The following FAT3 variants were observed in gnomAD, a reference collection of about 807,000 sequenced individuals.
FAT3 encodes protocadherin Fat 3.
A neutral mutation model predicts 310.2 loss-of-function variants in FAT3; 95 were observed. The observed-to-expected ratio is 0.31, with a 90% CI of 0.26 to 0.36. The LOEUF (loss-of-function observed/expected upper bound fraction) is 0.36, where lower values mean the gene tolerates loss of function less well. FAT3 is among the 10% of genes least tolerant of loss of function. The pLI is 1.00. For synonymous variants in FAT3, 2,314 were observed against 2,192.9 expected, an observed-to-expected ratio of 1.06 and a Z score of -1.54; for missense variants, 5,408 against 5,715.6, an observed-to-expected ratio of 0.95 and a Z score of 1.74.
At chr11:92,609,341 T>C (rs958446031) in intron 3 of FAT3, among the ~76,000 whole-genome samples, 6 of 152,292 alleles carry the variant, frequency 3.9e-5, no homozygotes, top group Admixed American at 3.9e-4. Flanking sequence ...TTAGTATGAA[T>C]GTGGGTTAAA....
At chr11:92,810,121 G>A (rs1366877422) in intron 13 of FAT3, 45 bp downstream of exon 13, 1 of 1,543,810 alleles carries the variant, frequency 6.5e-7, no homozygotes, top group East Asian at 2.3e-5. Context: ...TGGACACTTT[G>A]TCTTCAGGTG....
At chr11:92,412,780 C>T (rs1360487016) in intron 2 of FAT3, among the ~76,000 whole-genome samples, 1 of 72,294 alleles carries the variant, frequency 1.4e-5, no homozygotes, top group African/African-American at 3.8e-5. Context: ...TAATGTAAGA[C>T]TTTATATTTT....
At chr11:92,382,187 C>T (rs1246131627) in intron 2 of FAT3, among the ~76,000 whole-genome samples, 3 of 152,130 alleles carry the variant, frequency 2.0e-5, no homozygotes, top group Non-Finnish European at 4.4e-5. Context: ...AGTAAAAAGA[C>T]ATGGCTTCAC....
chr11:92,447,194 T>C (rs1269156031), intron 2 of FAT3, among the ~76,000 whole-genome samples: 3 of 147,656 alleles, frequency 2.0e-5, no homozygotes, highest in African/African-American at 7.7e-5. Context: ...TATATGTGTG[T>C]TCATATATAT....
chr11:92,514,368 A>T (rs146214952), intron 2 of FAT3, among the ~76,000 whole-genome samples: 2 of 152,300 alleles, frequency 1.3e-5, no homozygotes, highest in East Asian at 3.9e-4. Context: ...CAAAGAACAT[A>T]AAAAATCCAA....
chr11:92,693,933 C>CATTCATTCAT (rs1943866357), intron 3 of FAT3, among the ~76,000 whole-genome samples: 1 of 152,086 alleles, frequency 6.6e-6, no homozygotes, highest in African/African-American at 2.4e-5. Flanking sequence ...CTAACCTATT[C>CATTCATTCAT]ATTCATTCAT....
intron 2 of FAT3, among the ~76,000 whole-genome samples, chr11:92,360,257 A>G (rs530714086): frequency 2.0e-5 from 3 of 152,254 alleles, no homozygotes; most frequent in Non-Finnish European, 4.4e-5. Context: ...CCCATTCACA[A>G]TTGCTTCAAA....
At chr11:92,361,672 T>G (rs1948885821) in intron 2 of FAT3, among the ~76,000 whole-genome samples, 2 of 148,186 alleles carry the variant, frequency 1.3e-5, no homozygotes, top group African/African-American at 5.1e-5. Flanking sequence ...GTTGTAAGGT[T>G]TTTTTTTTTA....
chr11:92,366,622 G>C, intron 2 of FAT3: 1 of 532,288 alleles, frequency 1.9e-6, no homozygotes, highest in East Asian at 5.3e-5. Context: ...ATAACCAGTT[G>C]ACAGGTTCAG....
chr11:92,847,957 G>A (rs1324473997), intron 19 of FAT3, among the ~76,000 whole-genome samples: 2 of 151,544 alleles, frequency 1.3e-5, no homozygotes, highest in Non-Finnish European at 2.9e-5. Context: ...GCACCCACAG[G>A]TGCACACACT....
At chr11:92,623,134 A>C (rs1418687388) in intron 3 of FAT3, among the ~76,000 whole-genome samples, 1 of 152,172 alleles carries the variant, frequency 6.6e-6, no homozygotes, top group Non-Finnish European at 1.5e-5. Flanking sequence ...ACCAAATGCA[A>C]ACACTTTCTA....
At chr11:92,362,173 G>T (rs1170321824) in intron 2 of FAT3, among the ~76,000 whole-genome samples, 1 of 152,200 alleles carries the variant, frequency 6.6e-6, no homozygotes, top group Non-Finnish European at 1.5e-5. Flanking sequence ...AGCACAGAAT[G>T]CTCTTTATTC....
intron 3 of FAT3, among the ~76,000 whole-genome samples, chr11:92,575,365 C>A (rs567120085): frequency 6.6e-6 from 1 of 152,142 alleles, no homozygotes; most frequent in Admixed American, 6.6e-5. Flanking sequence ...AAATGATTTC[C>A]CAGAAACCAC....
chr11:92,636,121 G>C (rs185290864), intron 3 of FAT3, among the ~76,000 whole-genome samples: 1 of 151,998 alleles, frequency 6.6e-6, no homozygotes, highest in African/African-American at 2.4e-5. Flanking sequence ...GTGCAACCAC[G>C]CCTGGCTATT....
chr11:92,534,974 G>T (rs1954205381), intron 3 of FAT3, among the ~76,000 whole-genome samples: 1 of 152,170 alleles, frequency 6.6e-6, no homozygotes, highest in Non-Finnish European at 1.5e-5. Flanking sequence ...GTAATAAGGG[G>T]CAATGTAGCA....
chr11:92,243,507 T>C (rs897814182), intron 1 of FAT3, among the ~76,000 whole-genome samples: 2 of 152,098 alleles, frequency 1.3e-5, no homozygotes, highest in African/African-American at 4.8e-5. Flanking sequence ...ACTTGTCTTT[T>C]TCCTAAATAG....
chr11:92,297,619 A>G (rs983015616), intron 1 of FAT3, among the ~76,000 whole-genome samples: 1 of 152,114 alleles, frequency 6.6e-6, no homozygotes, highest in Non-Finnish European at 1.5e-5. Context: ...AAGAGCTTCC[A>G]CCATTAATTT....
rs1946997636 is a variant in FAT3 at position 92,790,093 on chromosome 11, A to G, written c.4486A>G (p.Thr1496Ala). 2 of 1,613,726 alleles carry G rather than the reference A, an allele frequency of 1.2e-6. No individual in the cohort carries two copies. Among genetic ancestry groups the G allele is most frequent in the Non-Finnish European group, 1.7e-6 (2 of 1,179,762 alleles). ...AGATGAGAAGCACAAGCTGAGCTAC[A>G]CTGTTCATAGCAGCATCGACTCCAT... Reference protein sequence around the residue: ...DRDEKHKLSYTVHSSIDSISM... With the variant: ...DRDEKHKLSYAVHSSIDSISM... The change falls in exon 8 of 28, where the codon ACT becomes GCT. Residue 1496 changes from threonine to alanine, a missense_variant. By Grantham distance (58) the Thr-to-Ala change is moderately conservative (BLOSUM62 0). This residue lies in a region of FAT3 where 4,588 missense variants were observed against 4,809.8 expected (regional missense o/e 0.95). Transcript: ENST00000525166.
chr11:92,249,311 CAG>C (rs1450968272), intron 1 of FAT3, among the ~76,000 whole-genome samples: 7 of 152,016 alleles, frequency 4.6e-5, no homozygotes, highest in Non-Finnish European at 1.0e-4. Flanking sequence ...TTTGTGTGTA[CAG>C]ACTCACCACC....
Sources: allele counts gnomAD v4.1 joint callset (sites outside exome capture counted in the v4.1 genomes callset), GRCh38; gene constraint gnomAD v4.1.1; regional missense constraint gnomAD v4.1.1; transcripts MANE v1.5; gene names NCBI Gene and HGNC (gene_info 2026-07-23, HGNC 2026-07-21).